Variants in SEMA3E observed in about 807,000 individuals in gnomAD.
SEMA3E encodes the protein semaphorin-3E.
SEMA3E carries 49 observed loss-of-function variants against 93.6 expected under a neutral mutation model. The observed-to-expected ratio is 0.52, with a 90% CI of 0.42 to 0.66. The LOEUF (loss-of-function observed/expected upper bound fraction) is 0.66. Among genes scored for constraint, SEMA3E ranks in the 30% least tolerant of loss-of-function variants. The pLI is 0.00. For missense variants in SEMA3E, 906 were observed against 964.8 expected (o/e 0.94, Z 0.81); for synonymous variants, 363 against 330.7 (o/e 1.10, Z -1.06).
chr7:83,618,700 C>A (rs1390999595), intron 1 of SEMA3E, among the ~76,000 whole-genome samples: 1 of 151,700 alleles, frequency 6.6e-6, no homozygotes, highest in Non-Finnish European at 1.5e-5. Flanking sequence ...TTATAAATGT[C>A]AATATAAAAG....
intron 4 of SEMA3E, among the ~76,000 whole-genome samples, chr7:83,457,686 G>A (rs115209121): frequency 1.3e-4 from 20 of 152,058 alleles, no homozygotes; most frequent in African/African-American, 4.8e-4. Context: ...ATCTCTCCCT[G>A]CTTGAATCAA....
At chr7:83,561,542 T>C (rs529457351) in intron 1 of SEMA3E, among the ~76,000 whole-genome samples, 2 of 152,222 alleles carry the variant, frequency 1.3e-5, no homozygotes, top group East Asian at 3.9e-4. Context: ...CCTCAAGGAA[T>C]CAATGGCTGC....
chr7:83,433,153 C>T (rs1788926327), intron 4 of SEMA3E, among the ~76,000 whole-genome samples: 2 of 152,076 alleles, frequency 1.3e-5, no homozygotes, highest in African/African-American at 4.8e-5. Context: ...CAAACTCACA[C>T]ATTTGTTGCA....
chr7:83,532,960 T>A (rs1791333796), intron 1 of SEMA3E, among the ~76,000 whole-genome samples: 1 of 152,102 alleles, frequency 6.6e-6, no homozygotes, highest in Non-Finnish European at 1.5e-5. Context: ...AGATGAAGAC[T>A]AAGTCCAAAA....
intron 1 of SEMA3E, among the ~76,000 whole-genome samples, chr7:83,559,120 T>C (rs1162506245): frequency 2.6e-5 from 4 of 152,098 alleles, no homozygotes; most frequent in African/African-American, 7.2e-5. Context: ...AGGAACAGTA[T>C]TGGACTTGGA....
chr7:83,418,044 T>A (rs932906574), intron 5 of SEMA3E, among the ~76,000 whole-genome samples: 1 of 152,180 alleles, frequency 6.6e-6, no homozygotes, highest in Admixed American at 6.6e-5. Context: ...ACATGAAGAA[T>A]TAACACATAT....
chr7:83,626,433 G>A (rs1003809755), intron 1 of SEMA3E, among the ~76,000 whole-genome samples: 2 of 151,968 alleles, frequency 1.3e-5, no homozygotes, highest in African/African-American at 4.8e-5. Flanking sequence ...TTTAATCTTG[G>A]GAGAGTGCAT....
intron 1 of SEMA3E, among the ~76,000 whole-genome samples, chr7:83,645,716 T>C (rs574842010): frequency 2.2e-5 from 2 of 92,336 alleles, no homozygotes; most frequent in South Asian, 6.7e-4. Context: ...GTACCTTGTC[T>C]CCTTCTCTCT....
At chr7:83,494,991 G>A (rs989083162) in intron 1 of SEMA3E, among the ~76,000 whole-genome samples, 2 of 151,822 alleles carry the variant, frequency 1.3e-5, no homozygotes, top group Admixed American at 1.3e-4. Context: ...AATGTGTATG[G>A]GGTCAGAGCA....
chr7:83,414,826 T>C (rs942384998), intron 5 of SEMA3E, among the ~76,000 whole-genome samples: 1 of 152,052 alleles, frequency 6.6e-6, no homozygotes, highest in Non-Finnish European at 1.5e-5. Flanking sequence ...TTATCATACC[T>C]TAGGCATTTC....
chr7:83,440,788 C>A (rs1789097373), intron 4 of SEMA3E, among the ~76,000 whole-genome samples: 4 of 117,970 alleles, frequency 3.4e-5, no homozygotes, highest in Admixed American at 2.1e-4. Context: ...AGTGACAGAG[C>A]AAGACTCCGT....
intron 4 of SEMA3E, among the ~76,000 whole-genome samples, chr7:83,456,515 A>G (rs1211528457): frequency 6.6e-6 from 1 of 152,066 alleles, no homozygotes; most frequent in African/African-American, 2.4e-5. Context: ...AGTTTTCTCT[A>G]CCTGCTATTC....
chr7:83,506,399 T>C (rs1462346709), intron 1 of SEMA3E, among the ~76,000 whole-genome samples: 1 of 152,178 alleles, frequency 6.6e-6, no homozygotes, highest in Middle Eastern at 3.4e-3. Context: ...CACTTATTTG[T>C]GGGATCTAAA....
chr7:83,578,894 GGA>G (rs1408581721), intron 1 of SEMA3E, among the ~76,000 whole-genome samples: 8 of 151,884 alleles, frequency 5.3e-5, no homozygotes, highest in African/African-American at 1.2e-4. Flanking sequence ...CTTTAGACTT[GGA>G]GCTTTGCAAG....
At chr7:83,504,728 T>C (rs1790660054) in intron 1 of SEMA3E, among the ~76,000 whole-genome samples, 2 of 152,330 alleles carry the variant, frequency 1.3e-5, no homozygotes, top group Admixed American at 1.3e-4. Flanking sequence ...GTTTATAACC[T>C]GTCGTGAGGC....
chr7:83,510,544 T>C (rs1266447439), intron 1 of SEMA3E, among the ~76,000 whole-genome samples: 1 of 152,268 alleles, frequency 6.6e-6, no homozygotes, highest in Middle Eastern at 3.4e-3. Context: ...CCTTCAAACA[T>C]TGAACCATGA....
At chr7:83,421,016 G>A (rs1236904942) in intron 4 of SEMA3E, among the ~76,000 whole-genome samples, 2 of 142,256 alleles carry the variant, frequency 1.4e-5, no homozygotes, top group African/African-American at 2.5e-5. Flanking sequence ...ACTATCAACA[G>A]AGTAAACAGA....
chr7:83,568,377 A>G (rs1792207406), intron 1 of SEMA3E, among the ~76,000 whole-genome samples: 1 of 152,156 alleles, frequency 6.6e-6, no homozygotes, highest in South Asian at 2.1e-4. Flanking sequence ...TCATTCTAAG[A>G]GGCCAACATC....
chr7:83,588,209 C>G (rs1792672005), intron 1 of SEMA3E, among the ~76,000 whole-genome samples: 2 of 151,996 alleles, frequency 1.3e-5, no homozygotes, highest in African/African-American at 4.8e-5. Flanking sequence ...TGGTGAAACC[C>G]TGTCTGCACT....
Sources: gnomAD v4.1 joint callset for allele counts (sites outside exome capture counted in the v4.1 genomes callset) on GRCh38, gnomAD v4.1.1 for gene constraint, MANE v1.5 for transcripts, NCBI Gene and HGNC (gene_info 2026-07-23, HGNC 2026-07-21) for gene names.